The following GFM2 variants were observed in gnomAD, a reference collection of about 807,000 sequenced individuals.
GFM2 encodes ribosome-releasing factor 2, mitochondrial.
GFM2 carries 72 observed loss-of-function variants against 95.4 expected under a neutral mutation model. The observed-to-expected ratio is 0.76, with a 90% CI of 0.62 to 0.92. The LOEUF (loss-of-function observed/expected upper bound fraction) is 0.92. Among genes scored for constraint, GFM2 ranks in the 40% least tolerant of loss-of-function variants. GFM2 has a pLI of 0.00. For synonymous variants in GFM2, 276 were observed against 317.5 expected (o/e 0.87, Z 1.39); for missense variants, 825 against 924.1 (o/e 0.89, Z 1.39).
intron 16 of GFM2, 122 bp downstream of exon 16, chr5:74,732,896 TTTTC>T: frequency 2.0e-6 from 1 of 488,192 alleles, no homozygotes; most frequent in Non-Finnish European, 3.6e-6. Context: ...AAAGAAAGGT[TTTTC>T]TTTCAGGACA....
chr5:74,762,031 C>G (rs1223219128), intron 2 of GFM2, among the ~76,000 whole-genome samples: 2 of 152,138 alleles, frequency 1.3e-5, no homozygotes, highest in Non-Finnish European at 2.9e-5. Flanking sequence ...CTGAAAGCGT[C>G]AGCAATAAAA....
chr5:74,734,804 G>C (rs1742752929), intron 15 of GFM2, among the ~76,000 whole-genome samples: 1 of 152,164 alleles, frequency 6.6e-6, no homozygotes, highest in Admixed American at 6.5e-5. Flanking sequence ...CTTGAAAGAA[G>C]TCTAAGTAAG....
Position 74,747,706 on chromosome 5 carries a change from G to T in GFM2, c.594C>A (p.Asp198Glu), listed in dbSNP as rs996159793. The change falls in exon 8 of 21, where the codon GAC (aspartate) becomes GAA (glutamate). Residue 198 changes from aspartate (D) to glutamate (E), a missense_variant. Coordinates refer to ENST00000296805, the MANE Select transcript of GFM2 (RefSeq NM_032380.5). ...ATTTCAAATACCTTGCTCCAGTTTT[G>T]TCCATCTTGTTTAAAAAACAGATTC... is the stretch of plus-strand genomic sequence containing the variant. ...IPRICFLNKM[D>E]KTGASFKYAV... 1 of 1,606,214 alleles carries T rather than the reference G, an allele frequency of 6.2e-7. No individual in the cohort carries two copies. The highest frequency in any genetic ancestry group is 8.5e-7 in the Non-Finnish European group (1 of 1,173,256).
At position 74,738,390 on chromosome 5, in the gene GFM2, C is replaced by T. The variant is rs753884229; in HGVS notation, c.1248G>A (p.Pro416=). Residue 416 remains proline (P), a synonymous_variant, in exon 14 of 21, where the codon CCG becomes CCA. Coordinates refer to ENST00000296805, the MANE Select transcript of GFM2 (RefSeq NM_032380.5). ...CTERISRLLL[P]FADQHVEIPS... is the part of the protein sequence containing the mutation. ...GGATTTCTACATGTTGGTCAGCAAA[C>T]GGCAAAAGCAGACGACTTATTCTCT... 18 of 1,613,392 alleles carry T rather than the reference C, an allele frequency of 1.1e-5. No homozygotes were observed. The Admixed American group carries it at 1.7e-4, about 15-fold the overall frequency.
At chr5:74,750,891 A>C (rs1019595652) in intron 6 of GFM2, among the ~76,000 whole-genome samples, 9 of 152,240 alleles carry the variant, frequency 5.9e-5, no homozygotes, top group Admixed American at 3.3e-4. Context: ...ATGAATGGAT[A>C]AACAAAATGT....
intron 5 of GFM2, among the ~76,000 whole-genome samples, chr5:74,753,466 G>A (rs1743819778): frequency 6.6e-6 from 1 of 152,058 alleles, no homozygotes; most frequent in African/African-American, 2.4e-5. Context: ...GCATGATGGT[G>A]TGTGTCTATA....
Position 74,745,616 on chromosome 5 carries a change from A to T in GFM2, c.849+62T>A, listed in dbSNP as rs563929142. ...AATCCCCGAGAGATGCTAAAGTATG[A>T]CTATATTTTAAGATAAGTGGTGCAC... is the stretch of plus-strand genomic sequence containing the variant. On this transcript the variant is annotated intron_variant, in intron 10 of 20. Transcript: ENST00000296805. 4 of 1,357,810 alleles carry T rather than the reference A, an allele frequency of 2.9e-6. No homozygotes were observed. In the Admixed American group the frequency reaches 9.2e-5, roughly 31 times the overall value. The allele number at this position is 1,357,810 out of a possible 1,614,324, so 84.1% of individuals were successfully genotyped here. A position where few individuals can be genotyped will look rare whatever the true frequency, so the allele number is the denominator to read the frequency against.
chr5:74,722,758 T>C (rs1467621207), intron 19 of GFM2, 197 bp from the exon 20 acceptor site: 3 of 494,218 alleles, frequency 6.1e-6, no homozygotes, highest in East Asian at 3.5e-5. Context: ...TTGTATGGTA[T>C]GATGCAAGGG....
chr5:74,761,574 C>T (rs1192879560), intron 2 of GFM2, among the ~76,000 whole-genome samples: 1 of 152,014 alleles, frequency 6.6e-6, no homozygotes, highest in African/African-American at 2.4e-5. Flanking sequence ...CTTGAAGACA[C>T]GGGGGTGGGG....
intron 7 of GFM2, 21 bp downstream of exon 7, chr5:74,750,558 T>C (rs758293875): frequency 1.2e-5 from 19 of 1,560,094 alleles, no homozygotes; most frequent in Non-Finnish European, 1.6e-5. Context: ...TAATTCCCTT[T>C]ACTTTGGCAA....
chr5:74,746,053 A>G, intron 9 of GFM2, 52 bp downstream of exon 9: 1 of 1,308,422 alleles, frequency 7.6e-7, no homozygotes, highest in Non-Finnish European at 1.1e-6. Context: ...TATTGTCACA[A>G]AATAAATTAA....
At position 74,721,341 on chromosome 5, in the gene GFM2, A is replaced by T; in HGVS notation, c.*314T>A. The T allele has an allele frequency of 2.6e-6, 2 of 761,600 alleles. No individual in the cohort carries two copies. The highest frequency in any genetic ancestry group is 2.3e-6 in the Non-Finnish European group (1 of 428,704). The allele number at this position is 761,600 out of a possible 1,614,324, so 47.2% of individuals were successfully genotyped here. A position where few individuals can be genotyped will look rare whatever the true frequency, so the allele number is the denominator to read the frequency against. ...AGAGGCCTGGCATCTTTCTTGTGAG[A>T]CAAGCTTAAGGACACAAAAGAAACA... On this transcript the variant is annotated 3_prime_UTR_variant, in exon 21 of 21. Transcript: ENST00000296805.
At position 74,725,767 on chromosome 5, in the gene GFM2, A is replaced by G; in HGVS notation, c.1913-12T>C. 4 of 1,583,410 alleles carry G rather than the reference A, an allele frequency of 2.5e-6. No individual in the cohort carries two copies. Among genetic ancestry groups the G allele is most frequent in the Non-Finnish European group, 3.5e-6 (4 of 1,152,652 alleles). On this transcript the variant is annotated splice_polypyrimidine_tract_variant and intron_variant, in intron 18 of 20. Transcript: ENST00000296805. ...TCCAAGCAATGGTCCTAGACAAGGG[A>G]AAAAAATTGTATCATACTCTGCTAG...
At chr5:74,765,196 T>C in intron 1 of GFM2, 1 of 953,156 alleles carries the variant, frequency 1.0e-6, no homozygotes, top group Non-Finnish European at 1.3e-6. Context: ...TGGTTGTCAA[T>C]AAAAAGATAA....
chr5:74,721,209 A>T lies in GFM2; in HGVS notation c.*446T>A, dbSNP rs760669414. On this transcript the variant is annotated 3_prime_UTR_variant, in exon 21 of 21. Coordinates refer to ENST00000296805, the MANE Select transcript of GFM2 (RefSeq NM_032380.5). ...GGGGAAAAAGGCCACAGCAATCTGT[A>T]CTACAATCAACTTTATTTTGAAATC... 1 of 1,435,132 alleles carries T rather than the reference A, an allele frequency of 7.0e-7. No individual in the cohort carries two copies. The highest frequency in any genetic ancestry group is 1.1e-5 in the South Asian group (1 of 87,410). The allele number at this position is 1,435,132 out of a possible 1,614,324, so 88.9% of individuals were successfully genotyped here. A position where few individuals can be genotyped will look rare whatever the true frequency, so the allele number is the denominator to read the frequency against.
chr5:74,756,345 T>A (rs890775035), intron 5 of GFM2, among the ~76,000 whole-genome samples: 23 of 152,116 alleles, frequency 1.5e-4, no homozygotes, highest in African/African-American at 5.3e-4. Flanking sequence ...AATACCACCT[T>A]ACTCCTGCAA....
intron 15 of GFM2, 163 bp from the exon 16 acceptor site, chr5:74,733,261 C>T (rs1742666400): frequency 5.7e-6 from 3 of 528,552 alleles, no homozygotes. Context: ...GAAGCCAAGA[C>T]AGAATGATCG....
Position 74,763,667 on chromosome 5 carries a change from A to G in GFM2, c.63+13T>C, listed in dbSNP as rs767547716. The G allele has an allele frequency of 2.3e-5, 35 of 1,492,836 alleles. No homozygotes were observed. Among genetic ancestry groups the G allele is most frequent in the Non-Finnish European group, 9.3e-7 (1 of 1,072,332 alleles). 92.5% of individuals were successfully genotyped at this position (1,492,836 alleles called of 1,614,324 possible). A position where few individuals can be genotyped will look rare whatever the true frequency, so the allele number is the denominator to read the frequency against. ...GTTGTTAAAGGACACTTAATTTTAT[A>G]AGAAATGCTTACATTAATATACACA... On this transcript the variant is annotated intron_variant, in intron 2 of 20. Transcript: ENST00000296805.
intron 10 of GFM2, among the ~76,000 whole-genome samples, chr5:74,743,225 A>G (rs1209639277): frequency 6.6e-6 from 1 of 152,214 alleles, no homozygotes; most frequent in East Asian, 1.9e-4. Context: ...ATGTGTGTGC[A>G]AATATCTCTT....
Sources: gnomAD v4.1 joint callset for allele counts (sites outside exome capture counted in the v4.1 genomes callset) on GRCh38, gnomAD v4.1.1 for gene constraint, MANE v1.5 for transcripts, NCBI Gene and HGNC (gene_info 2026-07-23, HGNC 2026-07-21) for gene names.